Variants in FREM2 observed in about 807,000 individuals in gnomAD.
FREM2 encodes FRAS1 related extracellular matrix 2.
Under a neutral mutation model 219.9 loss-of-function variants are expected in FREM2, and 119 were observed. The observed-to-expected ratio is 0.54, with a 90% confidence interval of 0.47 to 0.63. The LOEUF is 0.63. FREM2 is among the 30% of genes least tolerant of loss of function. FREM2 has a pLI of 0.00. For synonymous variants in FREM2, 1,562 were observed against 1,522.8 expected (o/e 1.03, Z -0.60); for missense variants, 4,030 against 3,993.6 (o/e 1.01, Z -0.25).
At chr13:38,699,943 A>T (rs1870277436) in intron 2 of FREM2, among the ~76,000 whole-genome samples, 1 of 152,220 alleles carries the variant, frequency 6.6e-6, no homozygotes, top group African/African-American at 2.4e-5. Context: ...AGTCATCCCG[A>T]TGAAATATGA....
intron 16 of FREM2, among the ~76,000 whole-genome samples, chr13:38,865,193 T>C (rs1035766641): frequency 6.6e-6 from 1 of 152,188 alleles, no homozygotes; most frequent in East Asian, 1.9e-4. Flanking sequence ...TATTAAAACT[T>C]ATTGTTATTT....
chr13:38,690,727 G>C lies in FREM2; in HGVS notation c.3383G>C (p.Arg1128Thr). Residue 1128 changes from arginine (R) to threonine (T), a missense_variant, in exon 1 of 24, where the codon AGA becomes ACA. Physicochemically the swap from Arg to Thr is moderately conservative, Grantham distance 71 (BLOSUM62 -1). This residue lies in a region of FREM2 where 3,102 missense variants were observed against 2,950.7 expected (regional missense o/e 1.05). Transcript: ENST00000280481. ...ISPAPGSEKS[R>T]AGIAISAFNL... ...CCAGCACCAGGCTCTGAGAAATCAA[G>C]AGCAGGGATTGCCATAAGTGCTTTC... 6.2e-7 allele frequency: 1 copy of C among 1,614,100 alleles called. No individual in the cohort carries two copies. Among genetic ancestry groups the C allele is most frequent in the Non-Finnish European group, 8.5e-7 (1 of 1,180,032 alleles).
At chr13:38,742,987 G>A (rs1202346070) in intron 2 of FREM2, among the ~76,000 whole-genome samples, 5 of 152,072 alleles carry the variant, frequency 3.3e-5, no homozygotes, top group Non-Finnish European at 7.4e-5. Context: ...GCACTTTATG[G>A]GTCTAAAACT....
rs944046654 is a variant in FREM2 at position 38,687,125 on chromosome 13, A to G, written c.-220A>G. 1.6e-5 allele frequency: 10 copies of G among 608,502 alleles called. No individual in the cohort carries two copies. Among genetic ancestry groups the G allele is most frequent in the Non-Finnish European group, 2.9e-5 (10 of 346,564 alleles). 37.7% of individuals were successfully genotyped at this position (608,502 alleles called of 1,614,324 possible). ...CGCGCGATTGAGGCGCTAGCGGCGG[A>G]GCTGGACGGCCTGGGAAGGCTTCGG... is the stretch of plus-strand genomic sequence containing the variant. On this transcript the variant is annotated 5_prime_UTR_variant, in exon 1 of 24. Transcript: ENST00000280481.
chr13:38,801,939 A>C (rs1434734291), intron 6 of FREM2, among the ~76,000 whole-genome samples: 1 of 152,142 alleles, frequency 6.6e-6, no homozygotes, highest in Admixed American at 6.5e-5. Context: ...GCTGCAATAG[A>C]TTGGGCACGC....
At position 38,880,795 on chromosome 13, in the gene FREM2, A is replaced by G. The variant is rs886050193; in HGVS notation, c.*8A>G. 6.8e-6 allele frequency: 11 copies of G among 1,613,878 alleles called. No individual in the cohort carries two copies. Among genetic ancestry groups the G allele is most frequent in the Non-Finnish European group, 9.3e-6 (11 of 1,180,000 alleles). On this transcript the variant is annotated 3_prime_UTR_variant, in exon 24 of 24. Transcript: ENST00000280481. ...GACAGCTCAGAAGTTTGATGACTGC[A>G]GGTAGAATTCAACCTTTTCCGTAAG...
intron 2 of FREM2, among the ~76,000 whole-genome samples, chr13:38,757,538 G>A (rs1460618156): frequency 6.6e-6 from 1 of 151,958 alleles, no homozygotes; most frequent in Admixed American, 6.6e-5. Flanking sequence ...CATGTGTGTC[G>A]TGGTGCTGTG....
At position 38,691,002 on chromosome 13, in the gene FREM2, G is replaced by T; in HGVS notation, c.3658G>T (p.Val1220Phe). The change falls in exon 1 of 24, where the codon GTT becomes TTT. Residue 1220 changes from valine (V) to phenylalanine (F), a missense_variant. This residue lies in a region of FREM2 where 3,102 missense variants were observed against 2,950.7 expected (regional missense o/e 1.05). Transcript: ENST00000280481. ...TPILNAADAD[V>F]PLDDLTFTIT... ...CATTCTCAATGCTGCTGATGCTGATGTTCCCCTGGATGATTTAACTTTCAC... is the reference window on the plus strand; with the variant it reads ...CATTCTCAATGCTGCTGATGCTGATTTTCCCCTGGATGATTTAACTTTCAC... 1 of 1,614,134 alleles carries T rather than the reference G, an allele frequency of 6.2e-7. No homozygotes were observed. The highest frequency in any genetic ancestry group is 1.1e-5 in the South Asian group (1 of 91,078).
intron 6 of FREM2, among the ~76,000 whole-genome samples, chr13:38,813,032 G>T (rs548713894): frequency 1.7e-4 from 26 of 151,646 alleles, no homozygotes; most frequent in Middle Eastern, 3.4e-3. Flanking sequence ...GTTTTTAAAA[G>T]TTACAGTTAT....
chr13:38,711,443 C>T (rs1373099146), intron 2 of FREM2, among the ~76,000 whole-genome samples: 1 of 151,910 alleles, frequency 6.6e-6, no homozygotes, highest in African/African-American at 2.4e-5. Flanking sequence ...ATTAATGAAT[C>T]ACTTGTTTTA....
intron 6 of FREM2, among the ~76,000 whole-genome samples, chr13:38,812,314 A>G (rs1875519022): frequency 6.6e-6 from 1 of 152,138 alleles, no homozygotes; most frequent in African/African-American, 2.4e-5. Context: ...ATTGATAAGT[A>G]GGGACTTACT....
Position 38,687,389 on chromosome 13 carries a change from C to G in FREM2, c.45C>G (p.Gly15=). ...GTPGLSSRRT[G]NSTSFQPGPP... is the part of the protein sequence containing the mutation. ...CCGGGTTATCCTCGCGCCGGACAGG[C>G]AACTCCACCAGCTTTCAACCAGGAC... Residue 15 remains glycine (G), a synonymous_variant, in exon 1 of 24, where the codon GGC becomes GGG. Transcript: ENST00000280481. The G allele has an allele frequency of 6.2e-7, 1 of 1,609,000 alleles. No homozygotes were observed. The highest frequency in any genetic ancestry group is 8.5e-7 in the Non-Finnish European group (1 of 1,178,182).
chr13:38,780,797 C>T (rs573132011), intron 4 of FREM2, among the ~76,000 whole-genome samples: 15 of 152,322 alleles, frequency 9.8e-5, no homozygotes, highest in African/African-American at 3.6e-4. Context: ...ACCATATATG[C>T]ACCTCTAACC....
chr13:38,688,241 A>G lies in FREM2; in HGVS notation c.897A>G (p.Lys299=). The stretch of plus-strand genomic sequence containing the variant: ...CTCCTGTGGGCAGCCCTGCTTTGAA[A>G]CGCGAGCACTTCCAGGTTCTGGTGA... The part of the protein sequence containing the change: ...RGAPVGSPAL[K]REHFQVLVRI... The change falls in exon 1 of 24, where the codon AAA becomes AAG. Residue 299 remains lysine (K), a synonymous_variant. Coordinates refer to ENST00000280481, the MANE Select transcript of FREM2 (RefSeq NM_207361.6). 6.2e-7 allele frequency: 1 copy of G among 1,613,740 alleles called. No individual in the cohort carries two copies. The highest frequency in any genetic ancestry group is 1.3e-5 in the African/African-American group (1 of 75,018).
chr13:38,817,386 A>G (rs997739876), intron 6 of FREM2, among the ~76,000 whole-genome samples: 1 of 152,138 alleles, frequency 6.6e-6, no homozygotes, highest in Non-Finnish European at 1.5e-5. Context: ...ATGGAATAGA[A>G]TATAGAACCC....
intron 6 of FREM2, among the ~76,000 whole-genome samples, chr13:38,836,575 G>C (rs932557192): frequency 6.6e-6 from 1 of 152,092 alleles, no homozygotes; most frequent in African/African-American, 2.4e-5. Context: ...ATCTGGCCCT[G>C]GGCTTCTTTT....
At chr13:38,822,312 G>A (rs1004560883) in intron 6 of FREM2, among the ~76,000 whole-genome samples, 23 of 149,740 alleles carry the variant, frequency 1.5e-4, no homozygotes, top group African/African-American at 5.6e-4. Context: ...GAAGCTCTGT[G>A]GTCAAAATGC....
At chr13:38,782,325 C>T (rs1226044158) in intron 4 of FREM2, among the ~76,000 whole-genome samples, 1 of 152,046 alleles carries the variant, frequency 6.6e-6, no homozygotes, top group African/African-American at 2.4e-5. Context: ...TACATGATAA[C>T]TGCATTTTTT....
intron 2 of FREM2, among the ~76,000 whole-genome samples, chr13:38,732,503 C>A (rs1348940768): frequency 6.6e-6 from 1 of 152,160 alleles, no homozygotes; most frequent in African/African-American, 2.4e-5. Flanking sequence ...AACTCTTGTT[C>A]TGTGTAGGTT....
Sources: gnomAD v4.1 joint callset for allele counts (sites outside exome capture counted in the v4.1 genomes callset) on GRCh38, gnomAD v4.1.1 for gene constraint, gnomAD v4.1.1 regional missense constraint, MANE v1.5 for transcripts, NCBI Gene and HGNC (gene_info 2026-07-23, HGNC 2026-07-21) for gene names.